The following SBNO1 variants were observed in gnomAD, a reference collection of about 807,000 sequenced individuals.
SBNO1 encodes protein strawberry notch homolog 1.
In SBNO1, 23 loss-of-function variants were observed where a neutral mutation model predicts 173.6. That is an observed-to-expected ratio of 0.13 (90% CI 0.10 to 0.19). The LOEUF (loss-of-function observed/expected upper bound fraction) is 0.19, where lower values mean the gene tolerates loss of function less well. SBNO1 is among the 10% of genes least tolerant of loss of function. SBNO1 has a pLI of 1.00. For missense variants in SBNO1, 1,238 were observed against 1,671.2 expected (o/e 0.74, Z 4.52); for synonymous variants, 632 against 571.5 (o/e 1.11, Z -1.51).
chr12:123,338,705 G>T (rs1419130278), intron 5 of SBNO1, among the ~76,000 whole-genome samples: 3 of 151,600 alleles, frequency 2.0e-5, no homozygotes, highest in South Asian at 4.2e-4. Context: ...CAAAATAAAA[G>T]AAACAAAAAT....
chr12:123,301,255 C>T (rs747665285), intron 30 of SBNO1, among the ~76,000 whole-genome samples: 74 of 152,032 alleles, frequency 4.9e-4, no homozygotes, highest in African/African-American at 1.4e-3. Context: ...TGATCCATCT[C>T]GACCTCTCAA....
rs549853519 is a variant in SBNO1, at chr12:123,309,343, T to C, written c.3597A>G (p.Thr1199=). Residue 1199 remains threonine (T), a synonymous_variant, in exon 28 of 32, where the codon ACA becomes ACG. Coordinates refer to ENST00000602398, the MANE Select transcript of SBNO1 (RefSeq NM_001167856.3). ...ACAAGTAAAAGCCATCGTCTGGTCC[T>C]GTCAGCTCAGCCCAAATCTTGGTAG... ...EEATKIWAEL[T]GPDDGFYLSL... The C allele has an allele frequency of 7.4e-6, 12 of 1,614,202 alleles. No individual in the cohort carries two copies. The South Asian group carries it at 1.3e-4, about 18-fold the overall frequency.
chr12:123,327,316 T>C, intron 13 of SBNO1, 110 bp downstream of exon 13: 1 of 922,542 alleles, frequency 1.1e-6, no homozygotes, highest in East Asian at 2.5e-5. Flanking sequence ...ATCTGTTGTT[T>C]TATAGTAGAA....
At chr12:123,363,105 A>G (rs1482585081) in intron 1 of SBNO1, among the ~76,000 whole-genome samples, 1 of 152,106 alleles carries the variant, frequency 6.6e-6, no homozygotes, top group Non-Finnish European at 1.5e-5. Flanking sequence ...AAAATAGCAT[A>G]AATATTCCAA....
intron 1 of SBNO1, among the ~76,000 whole-genome samples, chr12:123,353,551 G>T (rs1442565943): frequency 6.6e-6 from 1 of 152,112 alleles, no homozygotes. Context: ...GTTAACAGGA[G>T]AAATGTCCCA....
chr12:123,320,057 A>G, intron 19 of SBNO1, 26 bp from the exon 20 acceptor site: 1 of 1,613,500 alleles, frequency 6.2e-7, no homozygotes, highest in Non-Finnish European at 8.5e-7. Flanking sequence ...ATGTCATTAC[A>G]ATGAAGGTAT....
rs993392744 is a variant in SBNO1 at position 123,327,963 on chromosome 12, T to C, written c.1361A>G (p.Lys454Arg). 3 of 1,613,534 alleles carry C rather than the reference T, an allele frequency of 1.9e-6. No individual in the cohort carries two copies. The highest frequency in any genetic ancestry group is 2.5e-6 in the Non-Finnish European group (3 of 1,179,602). The part of the protein sequence containing the change: ...LCPVGSSKPT[K>R]TGLAVLELQN... ...AAGCTCTAAAACTGCTAAGCCTGTC[T>C]TGGTTGGCTTTGAAGAACCAACAGG... The change falls in exon 11 of 32, where the codon AAG (lysine) becomes AGG (arginine). Residue 454 changes from lysine (K) to arginine (R), a missense_variant. By Grantham distance (26) the Lys-to-Arg change is conservative. Around this residue, in one of 14 missense-constraint regions of SBNO1, gnomAD observed 182 missense variants for 339.9 expected, o/e 0.54. Coordinates refer to ENST00000602398, the MANE Select transcript of SBNO1 (RefSeq NM_001167856.3).
chr12:123,338,969 T>C lies in SBNO1; in HGVS notation c.651+2019A>G, dbSNP rs574942347. ...ATGGGCTATCAGTTTGCAGTCTCTC[T>C]GAGATGTTACTTAACTGCTAAGCCA... On this transcript the variant is annotated intron_variant, in intron 5 of 31. Transcript: ENST00000602398. Among the ~76,000 whole-genome samples, 42 of 142,604 alleles carry C rather than the reference T, an allele frequency of 2.9e-4. No individual in the cohort carries two copies. In the South Asian group the frequency reaches 9.1e-3, roughly 31 times the overall value. The allele number at this position is 142,604 out of a possible 152,430, so 93.6% of individuals were successfully genotyped here.
chr12:123,297,452 C>A (rs1177032368), intron 31 of SBNO1, among the ~76,000 whole-genome samples: 1 of 121,928 alleles, frequency 8.2e-6, no homozygotes, highest in African/African-American at 2.9e-5. Context: ...CCCATGAACT[C>A]CCGATATGCA....
At chr12:123,354,358 ACT>A (rs1373183244) in intron 1 of SBNO1, among the ~76,000 whole-genome samples, 1 of 152,204 alleles carries the variant, frequency 6.6e-6, no homozygotes, top group Non-Finnish European at 1.5e-5. Context: ...TGTAAAAGAC[ACT>A]GTCTTTTACA....
At chr12:123,314,886 G>A (rs1869090202) in intron 23 of SBNO1, among the ~76,000 whole-genome samples, 2 of 150,660 alleles carry the variant, frequency 1.3e-5, no homozygotes, top group African/African-American at 4.9e-5. Context: ...GTGAGCAACT[G>A]ATCCCGGCCT....
In SBNO1 at chr12:123,327,597, ATACAG is replaced by A; in HGVS notation, c.1539-23_1539-19del. 1 of 1,610,436 alleles carries A rather than the reference ATACAG, an allele frequency of 6.2e-7. No homozygotes were observed. On this transcript the variant is annotated intron_variant, in intron 12 of 31. Transcript: ENST00000602398. The stretch of plus-strand genomic sequence containing the variant: ...CAACTCCTCTGAATAAAATTAAAAC[ATACAG>A]TAATTACCAATACAGTAGAATTTTA...
intron 23 of SBNO1, among the ~76,000 whole-genome samples, chr12:123,314,992 C>T (rs74581250): frequency 1.3e-5 from 2 of 151,938 alleles, no homozygotes; most frequent in Non-Finnish European, 2.9e-5. Context: ...ATCCACCTGC[C>T]TTGGCCTCCC....
At chr12:123,315,312 G>A in intron 23 of SBNO1, 61 bp downstream of exon 23, 3 of 1,313,730 alleles carry the variant, frequency 2.3e-6, no homozygotes, top group Non-Finnish European at 2.2e-6. Flanking sequence ...TTCCTTTTGT[G>A]TTCCCGAAAG....
chr12:123,361,184 C>T (rs575872274), intron 1 of SBNO1, among the ~76,000 whole-genome samples: 1 of 151,996 alleles, frequency 6.6e-6, no homozygotes, highest in South Asian at 2.1e-4. Context: ...GTGGAGGTTG[C>T]AGTGAGCAGA....
rs569241389 is a variant in SBNO1 at position 123,328,914 on chromosome 12, G to T, written c.1135-19C>A. ...ATTTAAACTAAAAAAGAAAAGAAAAGAATTTAGTTAATTAGTATACCTTTC... is the reference window on the plus strand; with the variant it reads ...ATTTAAACTAAAAAAGAAAAGAAAATAATTTAGTTAATTAGTATACCTTTC... On this transcript the variant is annotated intron_variant, in intron 9 of 31. Coordinates refer to ENST00000602398, the MANE Select transcript of SBNO1 (RefSeq NM_001167856.3). 104 of 1,418,634 alleles carry T rather than the reference G, an allele frequency of 7.3e-5. No individual in the cohort carries two copies. In the South Asian group the frequency reaches 9.8e-4, roughly 13 times the overall value. The allele number at this position is 1,418,634 out of a possible 1,614,324, so 87.9% of individuals were successfully genotyped here. A position where few individuals can be genotyped will look rare whatever the true frequency, so the allele number is the denominator to read the frequency against.
At chr12:123,314,582 T>C (rs1199091414) in intron 23 of SBNO1, among the ~76,000 whole-genome samples, 2 of 151,706 alleles carry the variant, frequency 1.3e-5, no homozygotes, top group Admixed American at 6.6e-5. Flanking sequence ...CCCACCTCGG[T>C]CTCCCAAAGT....
At chr12:123,320,410 C>T (rs1869821145) in intron 19 of SBNO1, 22 bp downstream of exon 19, 3 of 1,591,982 alleles carry the variant, frequency 1.9e-6, no homozygotes, top group Admixed American at 1.8e-5. Context: ...AAAATGTCAC[C>T]AAGAGATACA....
intron 30 of SBNO1, 109 bp downstream of exon 30, chr12:123,302,715 A>G (rs941680717): frequency 3.9e-6 from 3 of 768,340 alleles, no homozygotes; most frequent in Non-Finnish European, 2.3e-6. Context: ...ACGCCTGACA[A>G]TACTTAATCT....
Sources: gnomAD v4.1 joint callset for allele counts (sites outside exome capture counted in the v4.1 genomes callset) on GRCh38, gnomAD v4.1.1 for gene constraint, gnomAD v4.1.1 regional missense constraint, MANE v1.5 for transcripts, NCBI Gene and HGNC (gene_info 2026-07-23, HGNC 2026-07-21) for gene names.